The following GLDN variants were observed in gnomAD, a reference collection of about 807,000 sequenced individuals.
The protein encoded by GLDN is collomin.
Under a neutral mutation model 56.5 loss-of-function variants are expected in GLDN, and 47 were observed. The observed-to-expected ratio is 0.83, with a 90% CI of 0.66 to 1.06. GLDN has a LOEUF of 1.06. GLDN is among the 50% of genes least tolerant of loss of function. The pLI, the probability that GLDN is intolerant of heterozygous loss-of-function variation, is 0.00. For synonymous variants in GLDN, 332 were observed against 278.8 expected, an observed-to-expected ratio of 1.19 and a Z score of -1.90; for missense variants, 782 against 714.3, an observed-to-expected ratio of 1.09 and a Z score of -1.08.
chr15:51,368,514 G>C (rs780680779), intron 1 of GLDN, among the ~76,000 whole-genome samples: 24 of 151,818 alleles, frequency 1.6e-4, no homozygotes, highest in Non-Finnish European at 2.8e-4. Context: ...AATGCCTGCG[G>C]CCCAACACGA....
intron 1 of GLDN, among the ~76,000 whole-genome samples, chr15:51,362,165 A>C (rs2037312343): frequency 3.9e-5 from 6 of 152,256 alleles, no homozygotes; most frequent in Non-Finnish European, 2.9e-5. Context: ...GACTGGAGCA[A>C]AGTGAGTGGG....
rs370574335 is a variant in GLDN at position 51,362,810 on chromosome 15, G to A, written c.364-14639G>A. On this transcript the variant is annotated intron_variant, in intron 1 of 9. Transcript: ENST00000335449. ...ATAATCCAGGTGAAAGATGATAGTG[G>A]CTTAGACCAAGTGAAAGCAGTGGAG... is the stretch of plus-strand genomic sequence containing the variant. Among the ~76,000 whole-genome samples the A allele has an allele frequency of 1.5e-4, 23 of 152,298 alleles. No homozygotes were observed. In the East Asian group the frequency reaches 3.3e-3, roughly 22 times the overall value.
chr15:51,366,434 A>G (rs930921), intron 1 of GLDN, among the ~76,000 whole-genome samples: 81,223 of 152,124 alleles, frequency 0.53, 24,393 homozygotes, highest in African/African-American at 0.81. Flanking sequence ...CCAGGTGGGA[A>G]AAGGGAAAGG....
At chr15:51,369,359 C>T (rs943183560) in intron 1 of GLDN, among the ~76,000 whole-genome samples, 53 of 152,214 alleles carry the variant, frequency 3.5e-4, no homozygotes, top group Admixed American at 3.2e-3. Context: ...ATTTAAGTTA[C>T]AAAATAGATC....
chr15:51,368,156 A>G (rs1434576297), intron 1 of GLDN, among the ~76,000 whole-genome samples: 1 of 152,192 alleles, frequency 6.6e-6, no homozygotes, highest in Non-Finnish European at 1.5e-5. Flanking sequence ...TGAGCAAGTA[A>G]TCAATGCTGA....
At chr15:51,372,327 G>A (rs1207689317) in intron 1 of GLDN, among the ~76,000 whole-genome samples, 3 of 152,186 alleles carry the variant, frequency 2.0e-5, no homozygotes, top group East Asian at 1.9e-4. Flanking sequence ...TCAAACCATA[G>A]CAGCTACCAA....
Position 51,341,691 on chromosome 15 carries a change from C to A in GLDN, c.7C>A (p.Arg3=). Residue 3 remains arginine (R), a synonymous_variant, in exon 1 of 10, where the codon CGA becomes AGA. Coordinates refer to ENST00000335449, the MANE Select transcript of GLDN (RefSeq NM_181789.4). MA[R]GAEGGRGDAG... Reference sequence around the variant, plus strand: ...TGCCCAAGGCGCATAGAGCATGGCCCGAGGCGCTGAGGGAGGCCGTGGGGA... The same window carrying A: ...TGCCCAAGGCGCATAGAGCATGGCCAGAGGCGCTGAGGGAGGCCGTGGGGA... 1.4e-6 allele frequency: 2 copies of A among 1,419,276 alleles called. No individual in the cohort carries two copies. The highest frequency in any genetic ancestry group is 2.9e-5 in the East Asian group (1 of 34,730). 87.9% of individuals were successfully genotyped at this position (1,419,276 alleles called of 1,614,324 possible). A position where few individuals can be genotyped will look rare whatever the true frequency, so the allele number is the denominator to read the frequency against.
chr15:51,356,416 G>A (rs899236167), intron 1 of GLDN, among the ~76,000 whole-genome samples: 2 of 152,166 alleles, frequency 1.3e-5, no homozygotes, highest in Non-Finnish European at 2.9e-5. Context: ...CTTTAGAAGT[G>A]AGGATGCTGA....
intron 4 of GLDN, among the ~76,000 whole-genome samples, chr15:51,388,041 C>T (rs1195393072): frequency 6.6e-6 from 1 of 152,196 alleles, no homozygotes; most frequent in Admixed American, 6.5e-5. Context: ...TGGGGTGGGA[C>T]TAGGACATAG....
chr15:51,348,981 T>C (rs2037028076), intron 1 of GLDN, among the ~76,000 whole-genome samples: 1 of 152,150 alleles, frequency 6.6e-6, no homozygotes, highest in East Asian at 1.9e-4. Flanking sequence ...TTGCAATGGG[T>C]TTGGTTTCAG....
chr15:51,383,477 T>C, intron 3 of GLDN, 24 bp downstream of exon 3: 3 of 1,613,564 alleles, frequency 1.9e-6, no homozygotes, highest in Non-Finnish European at 1.7e-6. Context: ...GATTTTCTAG[T>C]TCAAGGGGAG....
chr15:51,374,466 G>A (rs543634403), intron 1 of GLDN, among the ~76,000 whole-genome samples: 62 of 152,248 alleles, frequency 4.1e-4, no homozygotes, highest in African/African-American at 1.4e-3. Context: ...AAAGTAGAGT[G>A]GACCTGGAAT....
At chr15:51,399,772 C>T (rs1293037681) in intron 6 of GLDN, among the ~76,000 whole-genome samples, 1 of 152,208 alleles carries the variant, frequency 6.6e-6, no homozygotes, top group Non-Finnish European at 1.5e-5. Flanking sequence ...TCACAGCTTC[C>T]ACCAGCTTCC....
chr15:51,345,358 T>C (rs2036959372), intron 1 of GLDN, among the ~76,000 whole-genome samples: 1 of 152,224 alleles, frequency 6.6e-6, no homozygotes, highest in South Asian at 2.1e-4. Flanking sequence ...ATGATAATTG[T>C]TGTCCTTGAG....
At chr15:51,353,734 ACCACAGTCAATT>A (rs372092389) in intron 1 of GLDN, among the ~76,000 whole-genome samples, 34 of 128,774 alleles carry the variant, frequency 2.6e-4, no homozygotes, top group East Asian at 5.7e-4. Flanking sequence ...AAAAAAAAAA[ACCACAGTCAATT>A]AAAAAAAAAA....
chr15:51,401,818 G>C, intron 9 of GLDN, 75 bp downstream of exon 9: 1 of 1,345,562 alleles, frequency 7.4e-7, no homozygotes, highest in African/African-American at 1.5e-5. Context: ...AGCAATTAGG[G>C]GTAGGGACTG....
chr15:51,397,819 C>T (rs1197558478), intron 6 of GLDN, among the ~76,000 whole-genome samples: 3 of 152,200 alleles, frequency 2.0e-5, no homozygotes, highest in Non-Finnish European at 4.4e-5. Context: ...CACTCCCCTT[C>T]CCTCCTTCTG....
rs755669669 is a variant in GLDN at position 51,360,533 on chromosome 15, C to T, written c.364-16916C>T. 177 of 152,310 alleles carry T rather than the reference C, an allele frequency of 1.2e-3. 2 individuals are homozygous for T. The highest frequency in any genetic ancestry group is 2.1e-3 in the Non-Finnish European group (145 of 68,150). 9.4% of individuals were successfully genotyped at this position (152,310 alleles called of 1,614,324 possible). ...CCATGCCATCACCATCACAGAGAGC[C>T]CCAGGTAAGTTTAACCATTGAGGGC... On this transcript the variant is annotated intron_variant, in intron 1 of 9. Transcript: ENST00000335449.
intron 1 of GLDN, among the ~76,000 whole-genome samples, chr15:51,350,839 C>A (rs1323217041): frequency 1.3e-5 from 2 of 152,122 alleles, no homozygotes; most frequent in South Asian, 2.1e-4. Flanking sequence ...GAAAATAGAG[C>A]AGTTGTGTTG....
Sources: gnomAD v4.1 joint callset for allele counts (sites outside exome capture counted in the v4.1 genomes callset) on GRCh38, gnomAD v4.1.1 for gene constraint, MANE v1.5 for transcripts, NCBI Gene and HGNC (gene_info 2026-07-23, HGNC 2026-07-21) for gene names.